The following CTNNA3 variants were observed in gnomAD, a reference collection of about 807,000 sequenced individuals.
The protein encoded by CTNNA3 is catenin alpha-3.
Under a neutral mutation model 95.7 loss-of-function variants are expected in CTNNA3, and 76 were observed. That is an observed-to-expected ratio of 0.79 (90% CI 0.66 to 0.96). The LOEUF is 0.96. CTNNA3 is among the 40% of genes least tolerant of loss of function. The pLI is 0.00. For synonymous variants in CTNNA3, 431 were observed against 374.4 expected (o/e 1.15, Z -1.74); for missense variants, 1,191 against 1,089.8 (o/e 1.09, Z -1.31).
rs997559739 is a variant in CTNNA3 at position 66,521,381 on chromosome 10, T to A, written c.1375-608A>T. Among the ~76,000 whole-genome samples, 3 of 152,254 alleles carry A rather than the reference T, an allele frequency of 2.0e-5. No individual in the cohort carries two copies. In the South Asian group the frequency reaches 6.2e-4, roughly 32 times the overall value. On this transcript the variant is annotated intron_variant, in intron 10 of 17. Coordinates refer to ENST00000433211, the MANE Select transcript of CTNNA3 (RefSeq NM_013266.4). ...TGGTAATTTAAACATGCCAATCCAG[T>A]CTTTTTTACATTATTAACTGGTGAG...
At chr10:66,662,746 T>G (rs142590161) in intron 9 of CTNNA3, among the ~76,000 whole-genome samples, 332 of 151,836 alleles carry the variant, frequency 2.2e-3, no homozygotes, top group Middle Eastern at 6.8e-3. Flanking sequence ...ATTATTTCCA[T>G]CAGCATTCAA....
intron 1 of CTNNA3, among the ~76,000 whole-genome samples, chr10:67,726,422 T>TATCATATATCATATATA (rs1275255131): frequency 2.4e-5 from 1 of 41,688 alleles, no homozygotes; most frequent in Non-Finnish European, 3.2e-5. Context: ...TATAATATTA[T>TATCATATATCATATATA]ATATTATATC....
chr10:67,381,962 C>A (rs1445966725), intron 5 of CTNNA3, among the ~76,000 whole-genome samples: 2 of 152,084 alleles, frequency 1.3e-5, no homozygotes, highest in African/African-American at 4.8e-5. Flanking sequence ...ATTGGAAGTT[C>A]TTTGGTGACT....
intron 7 of CTNNA3, among the ~76,000 whole-genome samples, chr10:66,973,203 T>C (rs893893115): frequency 2.6e-5 from 4 of 152,184 alleles, no homozygotes; most frequent in Non-Finnish European, 5.9e-5. Context: ...AAATCTCTTA[T>C]AAATATCAAA....
intron 9 of CTNNA3, among the ~76,000 whole-genome samples, chr10:66,623,565 G>A (rs981007086): frequency 6.6e-6 from 1 of 152,008 alleles, no homozygotes; most frequent in African/African-American, 2.4e-5. Flanking sequence ...ACCCTCTAAT[G>A]AAAATACAAC....
rs796114334 is a variant in CTNNA3 at position 65,960,530 on chromosome 10, C to CA, written c.2400+6081dup. On this transcript the variant is annotated intron_variant, in intron 17 of 17. Coordinates refer to ENST00000433211, the MANE Select transcript of CTNNA3 (RefSeq NM_013266.4). Reference sequence around the variant, plus strand: ...ACAGAGCGAGACTCCGTCTCAACAACAAAAAAAAAGATTCAGGGGGTACAT... The same window carrying CA: ...ACAGAGCGAGACTCCGTCTCAACAACAAAAAAAAAAGATTCAGGGGGTACAT... Among the ~76,000 whole-genome samples the CA allele has an allele frequency of 8.7e-5, 13 of 150,142 alleles. No individual in the cohort carries two copies. The South Asian group carries it at 2.5e-3, about 29-fold the overall frequency.
At chr10:66,651,978 C>T (rs1175241210) in intron 9 of CTNNA3, among the ~76,000 whole-genome samples, 1 of 151,442 alleles carries the variant, frequency 6.6e-6, no homozygotes, top group Non-Finnish European at 1.5e-5. Flanking sequence ...GGGCTGCTAG[C>T]ACGTTGTCAC....
At chr10:67,340,439 A>G (rs1183262929) in intron 5 of CTNNA3, among the ~76,000 whole-genome samples, 1 of 152,236 alleles carries the variant, frequency 6.6e-6, no homozygotes, top group Non-Finnish European at 1.5e-5. Flanking sequence ...CTGCCCATGC[A>G]GTGTCTATGA....
intron 3 of CTNNA3, among the ~76,000 whole-genome samples, chr10:67,550,712 A>T (rs1840998714): frequency 1.3e-5 from 2 of 151,414 alleles, no homozygotes; most frequent in African/African-American, 4.9e-5. Context: ...TAGAATAAAG[A>T]AATAGGTGAA....
intron 1 of CTNNA3, among the ~76,000 whole-genome samples, chr10:67,674,425 A>G (rs1840498326): frequency 6.6e-6 from 1 of 152,116 alleles, no homozygotes; most frequent in Non-Finnish European, 1.5e-5. Flanking sequence ...TTGCTTAAAG[A>G]TCCCAGTCTG....
chr10:66,417,698 T>A (rs1261564495), intron 11 of CTNNA3, among the ~76,000 whole-genome samples: 2 of 151,724 alleles, frequency 1.3e-5, no homozygotes, highest in African/African-American at 4.8e-5. Flanking sequence ...CACAGTGGAA[T>A]AAAACAAGAA....
chr10:67,350,087 C>G (rs1472488509), intron 5 of CTNNA3, among the ~76,000 whole-genome samples: 3 of 152,038 alleles, frequency 2.0e-5, no homozygotes, highest in African/African-American at 7.2e-5. Context: ...ACCACTTGTG[C>G]AAAATGTTTT....
rs756639856 is a variant in CTNNA3, at chr10:67,581,286, G to C, written c.292+25571C>G. ...AGCATGAAGGGCTGTTGAATTTTGT[G>C]AAAGGCCTTTTCTGCATCTATTGAG... On this transcript the variant is annotated intron_variant, in intron 3 of 17. Coordinates refer to ENST00000433211, the MANE Select transcript of CTNNA3 (RefSeq NM_013266.4). Among the ~76,000 whole-genome samples the C allele has an allele frequency of 7.9e-4, 120 of 152,124 alleles. No homozygotes were observed. In the Middle Eastern group the frequency reaches 0.014, roughly 17 times the overall value.
chr10:65,952,863 C>G (rs901293814), intron 17 of CTNNA3, among the ~76,000 whole-genome samples: 1 of 152,232 alleles, frequency 6.6e-6, no homozygotes, highest in South Asian at 2.1e-4. Flanking sequence ...TATTTATCAT[C>G]CAGTTTTTTA....
At chr10:66,701,504 T>G (rs1847941834) in intron 9 of CTNNA3, among the ~76,000 whole-genome samples, 1 of 152,172 alleles carries the variant, frequency 6.6e-6, no homozygotes, top group Non-Finnish European at 1.5e-5. Flanking sequence ...CATCATAATC[T>G]GCATTTATTT....
chr10:66,816,327 T>C (rs879702775), intron 7 of CTNNA3, among the ~76,000 whole-genome samples: 3 of 152,094 alleles, frequency 2.0e-5, no homozygotes, highest in Non-Finnish European at 2.9e-5. Context: ...GGTAGACGTA[T>C]ATTCTGCCTT....
At chr10:66,712,691 T>C (rs1299302202) in intron 9 of CTNNA3, among the ~76,000 whole-genome samples, 1 of 152,120 alleles carries the variant, frequency 6.6e-6, no homozygotes, top group Non-Finnish European at 1.5e-5. Flanking sequence ...GTGTGTTTCT[T>C]TCCTTTGGAG....
intron 5 of CTNNA3, among the ~76,000 whole-genome samples, chr10:67,295,909 T>C (rs2132481296): frequency 6.6e-6 from 1 of 152,344 alleles, no homozygotes; most frequent in South Asian, 2.1e-4. Flanking sequence ...CTTTGAAAAC[T>C]GTAATGTACC....
At chr10:66,426,551 G>A (rs1018696169) in intron 11 of CTNNA3, among the ~76,000 whole-genome samples, 2 of 151,946 alleles carry the variant, frequency 1.3e-5, no homozygotes, top group African/African-American at 4.8e-5. Flanking sequence ...TTTCTAGGCT[G>A]GTAGTGATTT....
Sources: gnomAD v4.1 joint callset for allele counts (sites outside exome capture counted in the v4.1 genomes callset) on GRCh38, gnomAD v4.1.1 for gene constraint, MANE v1.5 for transcripts, NCBI Gene and HGNC (gene_info 2026-07-23, HGNC 2026-07-21) for gene names.